Variants in LRRK1 observed in about 807,000 individuals in gnomAD.
LRRK1 encodes leucine rich repeat kinase 1, also known as leucine-rich repeat serine/threonine-protein kinase 1.
In LRRK1, 113 loss-of-function variants were observed where a neutral mutation model predicts 209.1. The observed-to-expected ratio is 0.54, with a 90% CI of 0.46 to 0.63. LRRK1 has a LOEUF of 0.63. Ranked by LOEUF, LRRK1 falls within the 30% of genes least tolerant of loss-of-function variation. LRRK1 has a pLI of 0.00. For synonymous variants in LRRK1, 1,144 were observed against 1,099.7 expected, an observed-to-expected ratio of 1.04 and a Z score of -0.80; for missense variants, 2,284 against 2,632.2, an observed-to-expected ratio of 0.87 and a Z score of 2.89.
intron 20 of LRRK1, among the ~76,000 whole-genome samples, chr15:101,039,118 A>G (rs1372387848): frequency 6.6e-6 from 1 of 152,182 alleles, no homozygotes; most frequent in Admixed American, 6.5e-5. Flanking sequence ...TTGCATTTTC[A>G]TCTAAATTTT....
intron 25 of LRRK1, 31 bp from the exon 26 acceptor site, chr15:101,053,192 C>T (rs1463497734): frequency 6.3e-7 from 1 of 1,597,956 alleles, no homozygotes; most frequent in African/African-American, 1.3e-5. Context: ...ACCCCATGTC[C>T]TACTGGCTGA....
chr15:100,932,651 G>A lies in LRRK1; in HGVS notation c.97+7922G>A, dbSNP rs150986348. On this transcript the variant is annotated intron_variant, in intron 2 of 33. Transcript: ENST00000388948. ...GACTATAATATAGGAAAAGCAACAA[G>A]GCCCTGCCCCAGTGTCAACTTCCCA... Among the ~76,000 whole-genome samples, 677 of 152,314 alleles carry A rather than the reference G, an allele frequency of 4.4e-3. 2 individuals carry two copies. The highest frequency in any genetic ancestry group is 7.6e-3 in the Non-Finnish European group (518 of 68,030).
chr15:101,025,977 A>G lies in LRRK1; in HGVS notation c.2245A>G (p.Asn749Asp), dbSNP rs1371799804. 4 of 1,614,094 alleles carry G rather than the reference A, an allele frequency of 2.5e-6. No individual in the cohort carries two copies. Among genetic ancestry groups the G allele is most frequent in the Middle Eastern group, 1.6e-4 (1 of 6,084 alleles). ...WLLNIEAKAP[N>D]AVVLVVGTHL... is the part of the protein sequence containing the mutation. ...TTCTCTGTTGCAGGCCAAGGCCCCA[A>G]ACGCCGTGGTGCTGGTGGTCGGGAC... Residue 749 changes from asparagine (N) to aspartate (D), a missense_variant, in exon 17 of 34, where the codon AAC (asparagine) becomes GAC (aspartate). Physicochemically the swap from Asn to Asp is conservative, Grantham distance 23. Coordinates refer to ENST00000388948, the MANE Select transcript of LRRK1 (RefSeq NM_024652.6).
At chr15:100,978,715 T>A (rs2031436656) in intron 3 of LRRK1, among the ~76,000 whole-genome samples, 1 of 152,208 alleles carries the variant, frequency 6.6e-6, no homozygotes. Context: ...AATGCATAAT[T>A]TGAATAGCCT....
chr15:101,062,724 C>T, intron 31 of LRRK1, 34 bp downstream of exon 31: 2 of 1,475,806 alleles, frequency 1.4e-6, no homozygotes, highest in East Asian at 2.3e-5. Flanking sequence ...ATGCAGGTCT[C>T]TGATGCACTT....
intron 2 of LRRK1, among the ~76,000 whole-genome samples, chr15:100,946,593 C>T (rs2042543705): frequency 6.6e-6 from 1 of 152,228 alleles, no homozygotes; most frequent in Admixed American, 6.5e-5. Flanking sequence ...AGCATGGATG[C>T]AACTCAGCTA....
In LRRK1 at chr15:101,053,427, C is replaced by CG; in HGVS notation, c.4054+9dup. ...CTGTCCGAGAACGCCAGAGGTACCG[C>CG]GGCGCGCCGCCCCACCCGGCCCCGG... On this transcript the variant is annotated splice_region_variant and intron_variant, in intron 26 of 33. Transcript: ENST00000388948. 6.4e-7 allele frequency: 1 copy of CG among 1,568,552 alleles called. No individual in the cohort carries two copies.
intron 2 of LRRK1, among the ~76,000 whole-genome samples, chr15:100,926,762 G>A (rs566161316): frequency 1.6e-4 from 20 of 126,994 alleles, no homozygotes; most frequent in Middle Eastern, 6.0e-3. Context: ...TCAGCTCACT[G>A]CAACTTCCAC....
chr15:101,040,029 A>G (rs2141115034), intron 20 of LRRK1, among the ~76,000 whole-genome samples: 1 of 152,280 alleles, frequency 6.6e-6, no homozygotes, highest in Non-Finnish European at 1.5e-5. Flanking sequence ...ATTGGTTGGT[A>G]CTTTGATGAA....
chr15:100,963,219 C>T (rs1362827181), intron 2 of LRRK1, among the ~76,000 whole-genome samples: 1 of 152,072 alleles, frequency 6.6e-6, no homozygotes, highest in Admixed American at 6.5e-5. Flanking sequence ...AGCTTGATAG[C>T]TGGTAAGCAT....
chr15:101,047,079 T>G (rs1254255269), intron 21 of LRRK1, among the ~76,000 whole-genome samples: 2 of 152,232 alleles, frequency 1.3e-5, no homozygotes, highest in South Asian at 2.1e-4. Flanking sequence ...GACACACTTT[T>G]GGTTTTGCGA....
rs757668892 is a variant in LRRK1, at chr15:101,058,056, C to T, written c.4594C>T (p.Leu1532=). 10 of 1,614,074 alleles carry T rather than the reference C, an allele frequency of 6.2e-6. No individual in the cohort carries two copies. Among genetic ancestry groups the T allele is most frequent in the Admixed American group, 1.7e-5 (1 of 60,006 alleles). The change falls in exon 29 of 34, where the codon CTG becomes TTG. Residue 1532 remains leucine (L), a synonymous_variant. Transcript: ENST00000388948. ...GACTTTTGCCACCTTCATGTATGAA[C>T]TGTGCTGTGGGAAGCAGACAGCCTT... ...DPTFATFMYE[L]CCGKQTAFFS... is the part of the protein sequence containing the mutation.
intron 4 of LRRK1, 63 bp downstream of exon 4, chr15:100,983,762 C>A: frequency 6.8e-7 from 1 of 1,470,788 alleles, no homozygotes; most frequent in Non-Finnish European, 9.5e-7. Context: ...GGCTTCACCC[C>A]AAAATGTTTA....
chr15:101,056,727 G>A (rs988051926), intron 27 of LRRK1, 129 bp from the exon 28 acceptor site: 8 of 648,586 alleles, frequency 1.2e-5, no homozygotes, highest in East Asian at 1.2e-4. Context: ...AGAGGGACAT[G>A]GTCAGGTGGT....
chr15:101,056,895 C>T lies in LRRK1; in HGVS notation c.4372C>T (p.Leu1458=), dbSNP rs1263976836. Residue 1458 remains leucine, a synonymous_variant, in exon 28 of 34, where the codon CTG becomes TTG. Transcript: ENST00000388948. ...CTATGGAATGGTGCTCTACGAGTTG[C>T]TGTCAGGACAGCGCCCTGCACTGGG... is the stretch of plus-strand genomic sequence containing the variant. ...FSYGMVLYEL[L]SGQRPALGHH... is the part of the protein sequence containing the mutation. 1 of 1,613,282 alleles carries T rather than the reference C, an allele frequency of 6.2e-7. No homozygotes were observed. Among genetic ancestry groups the T allele is most frequent in the Non-Finnish European group, 8.5e-7 (1 of 1,179,676 alleles).
At chr15:101,031,828 G>A (rs554335372) in intron 20 of LRRK1, among the ~76,000 whole-genome samples, 2 of 151,790 alleles carry the variant, frequency 1.3e-5, no homozygotes, top group Admixed American at 6.6e-5. Flanking sequence ...TCTGCCTCCC[G>A]GGTTCTTGCC....
rs531972465 is a variant in LRRK1, at chr15:101,074,312, C to A, written c.*5464C>A. The A allele has an allele frequency of 3.9e-5, 6 of 152,162 alleles. No homozygotes were observed. The highest frequency in any genetic ancestry group is 1.4e-4 in the African/African-American group (6 of 41,418). The allele number at this position is 152,162 out of a possible 1,614,324, so 9.4% of individuals were successfully genotyped here. On this transcript the variant is annotated 3_prime_UTR_variant, in exon 34 of 34. Transcript: ENST00000388948. ...TCACCTCCCCTCCTCACACCCGGTC[C>A]GGCTTACAGTTTCCTTCCGTGACTA...
At chr15:101,005,730 G>A (rs560436127) in intron 6 of LRRK1, among the ~76,000 whole-genome samples, 44 of 152,294 alleles carry the variant, frequency 2.9e-4, no homozygotes, top group African/African-American at 9.9e-4. Context: ...GAACACAGGG[G>A]GCTCTCTCCC....
intron 32 of LRRK1, 44 bp from the exon 33 acceptor site, chr15:101,066,596 G>A (rs770959368): frequency 1.7e-5 from 27 of 1,578,170 alleles, no homozygotes; most frequent in East Asian, 2.2e-5. Context: ...CGGAGAGCAC[G>A]GCTACCGACA....
Sources: gnomAD v4.1 joint callset for allele counts (sites outside exome capture counted in the v4.1 genomes callset) on GRCh38, gnomAD v4.1.1 for gene constraint, MANE v1.5 for transcripts, NCBI Gene and HGNC (gene_info 2026-07-23, HGNC 2026-07-21) for gene names.